The following SGCD variants were observed in gnomAD, a reference collection of about 807,000 sequenced individuals.
SGCD encodes delta-sarcoglycan.
Under a neutral mutation model 36.6 loss-of-function variants are expected in SGCD, and 18 were observed. The observed-to-expected ratio is 0.49, with a 90% CI of 0.34 to 0.73. SGCD has a LOEUF of 0.73. Among genes scored for constraint, SGCD ranks in the 30% least tolerant of loss-of-function variants. The pLI is 0.01. For missense variants in SGCD, 387 were observed against 346.7 expected, an observed-to-expected ratio of 1.12 and a Z score of -0.92; for synonymous variants, 133 against 130.6, an observed-to-expected ratio of 1.02 and a Z score of -0.12.
intron 7 of SGCD, among the ~76,000 whole-genome samples, chr5:156,683,935 A>C (rs1753812644): frequency 6.6e-6 from 1 of 152,232 alleles, no homozygotes; most frequent in Admixed American, 6.5e-5. Flanking sequence ...GAGACTCCAC[A>C]AAAAGTTGAG....
At chr5:156,025,681 G>A (rs999660086) in intron 1 of SGCD, among the ~76,000 whole-genome samples, 1 of 152,074 alleles carries the variant, frequency 6.6e-6, no homozygotes, top group Admixed American at 6.6e-5. Flanking sequence ...AATCCCCTTG[G>A]TGGTATTATG....
chr5:156,421,006 GT>G (rs957798868), intron 3 of SGCD, among the ~76,000 whole-genome samples: 1 of 151,632 alleles, frequency 6.6e-6, no homozygotes, highest in African/African-American at 2.4e-5. Context: ...AAGTTTTCCA[GT>G]GTCTTTCTTT....
At chr5:155,865,814 G>A (rs769762352), upstream of SGCD, among the ~76,000 whole-genome samples, 11 of 152,292 alleles carry the variant, frequency 7.2e-5, no homozygotes, top group Admixed American at 3.9e-4. Flanking sequence ...ATTGGCAGAT[G>A]TAAGTTTTTC....
intron 4 of SGCD, among the ~76,000 whole-genome samples, chr5:156,585,068 A>G (rs1037234270): frequency 2.0e-5 from 3 of 152,254 alleles, no homozygotes; most frequent in Non-Finnish European, 4.4e-5. Context: ...TTAGTGAAGT[A>G]TTGAGAGAGA....
intron 3 of SGCD, among the ~76,000 whole-genome samples, chr5:156,420,385 C>CA (rs903796612): frequency 1.5e-4 from 23 of 151,054 alleles, no homozygotes; most frequent in Admixed American, 5.9e-4. Flanking sequence ...GAGGGAAGTA[C>CA]AAAAAAAAAT....
chr5:156,292,103 G>A lies in SGCD; in HGVS notation c.-43-37431G>A, dbSNP rs1399164153. On this transcript the variant is annotated intron_variant, in intron 3 of 9. Transcript: ENST00000517913. ...TGAGATCTGCAGTATTTATCTTTCT[G>A]TGTCTGGCTTATTTCACTTAACATC... Among the ~76,000 whole-genome samples the A allele has an allele frequency of 2.0e-5, 3 of 151,976 alleles. No individual in the cohort carries two copies. The East Asian group carries it at 5.8e-4, about 29-fold the overall frequency.
At chr5:155,915,321 C>T (rs971038111) in intron 1 of SGCD, among the ~76,000 whole-genome samples, 1 of 152,102 alleles carries the variant, frequency 6.6e-6, no homozygotes, top group Non-Finnish European at 1.5e-5. Context: ...GTTTTTCGTT[C>T]CCCAAGAACT....
intron 1 of SGCD, among the ~76,000 whole-genome samples, chr5:155,901,449 G>A (rs1756388127): frequency 6.6e-6 from 1 of 152,156 alleles, no homozygotes; most frequent in African/African-American, 2.4e-5. Flanking sequence ...AGGGCCCTAA[G>A]GAGACTAAGA....
At chr5:156,436,725 G>A (rs1453385948) in intron 3 of SGCD, among the ~76,000 whole-genome samples, 21 of 152,150 alleles carry the variant, frequency 1.4e-4, no homozygotes. Flanking sequence ...AGAAGCAAAG[G>A]TATTCTTGCT....
chr5:156,701,565 T>C (rs998062394), intron 7 of SGCD, among the ~76,000 whole-genome samples: 1 of 152,106 alleles, frequency 6.6e-6, no homozygotes, highest in African/African-American at 2.4e-5. Flanking sequence ...TGGGGGACAC[T>C]GGTGATAGAG....
At chr5:156,146,228 A>G (rs1303588330) in intron 3 of SGCD, among the ~76,000 whole-genome samples, 1 of 152,152 alleles carries the variant, frequency 6.6e-6, no homozygotes, top group African/African-American at 2.4e-5. Flanking sequence ...AACAAAACAA[A>G]AAAGGATTTG....
At chr5:155,794,386 T>C in the SGCD span, among the ~76,000 whole-genome samples, 1 of 152,148 alleles carries the variant, frequency 6.6e-6, no homozygotes, top group Non-Finnish European at 1.5e-5. Context: ...GAAAATGGCA[T>C]CATATGACAG....
intron 3 of SGCD, among the ~76,000 whole-genome samples, chr5:156,131,109 T>C (rs1762310341): frequency 6.6e-6 from 1 of 152,210 alleles, no homozygotes; most frequent in South Asian, 2.1e-4. Context: ...GATCATTGCT[T>C]TAAAGTGCTC....
intron 1 of SGCD, among the ~76,000 whole-genome samples, chr5:155,878,120 G>A (rs967024999): frequency 6.6e-6 from 1 of 151,890 alleles, no homozygotes; most frequent in African/African-American, 2.4e-5. Context: ...TAAATTTGAG[G>A]GTGGAAGTAT....
At chr5:156,061,922 T>TG (rs1368764911) in intron 1 of SGCD, among the ~76,000 whole-genome samples, 1 of 105,910 alleles carries the variant, frequency 9.4e-6, no homozygotes, top group Non-Finnish European at 1.8e-5. Flanking sequence ...GTTTTCACTT[T>TG]TTTTTTTTTT....
chr5:156,560,055 A>C (rs914867297), intron 4 of SGCD, among the ~76,000 whole-genome samples: 3 of 152,228 alleles, frequency 2.0e-5, no homozygotes, highest in Non-Finnish European at 4.4e-5. Flanking sequence ...GTAAGTATGC[A>C]TTGCCATGGT....
At chr5:156,189,376 A>G (rs563290887) in intron 3 of SGCD, among the ~76,000 whole-genome samples, 84 of 152,334 alleles carry the variant, frequency 5.5e-4, no homozygotes, top group South Asian at 1.0e-3. Flanking sequence ...GTGAAAACAG[A>G]TAAATTCTAT....
intron 1 of SGCD, among the ~76,000 whole-genome samples, chr5:155,955,797 C>A (rs545684817): frequency 6.6e-6 from 1 of 152,186 alleles, no homozygotes; most frequent in Admixed American, 6.5e-5. Context: ...AAAGATACGT[C>A]AACTAATAGT....
In SGCD at chr5:156,520,534, T is replaced by C. The variant is rs570817885; in HGVS notation, c.294+11832T>C. Among the ~76,000 whole-genome samples, 5 of 152,204 alleles carry C rather than the reference T, an allele frequency of 3.3e-5. No homozygotes were observed. In the East Asian group the frequency reaches 9.7e-4, roughly 29 times the overall value. ...AAACTATTTTAGAAGTAGAGAAAAC[T>C]ATTTTAAAATTCATATGGAACCAAA... On this transcript the variant is annotated intron_variant, in intron 4 of 8. Transcript: ENST00000337851.
Sources: gnomAD v4.1 joint callset for allele counts (sites outside exome capture counted in the v4.1 genomes callset) on GRCh38, gnomAD v4.1.1 for gene constraint, MANE v1.5 for transcripts, NCBI Gene and HGNC (gene_info 2026-07-23, HGNC 2026-07-21) for gene names.